UNC5D: variants seen among roughly 807,000 people sequenced by gnomAD.
The protein encoded by UNC5D is netrin receptor UNC5D.
UNC5D carries 39 observed loss-of-function variants against 105.4 expected under a neutral mutation model. The observed-to-expected ratio is 0.37, with a 90% CI of 0.29 to 0.48. UNC5D has a LOEUF of 0.48. UNC5D is among the 20% of genes least tolerant of loss of function. UNC5D has a pLI of 0.98. For missense variants in UNC5D, 991 were observed against 1,202.4 expected, an observed-to-expected ratio of 0.82 and a Z score of 2.60; for synonymous variants, 452 against 450.4, an observed-to-expected ratio of 1.00 and a Z score of -0.04.
chr8:35,699,377 A>G lies in UNC5D; in HGVS notation c.1085-6552A>G, dbSNP rs1270154892. ...TCATCAGAAGTGACATCCTTGAGCCATCTGTTTTGGTACCCTTCTGACTTC... is the reference window on the plus strand; with the variant it reads ...TCATCAGAAGTGACATCCTTGAGCCGTCTGTTTTGGTACCCTTCTGACTTC... On this transcript the variant is annotated intron_variant, in intron 7 of 16. Coordinates refer to ENST00000404895, the MANE Select transcript of UNC5D (RefSeq NM_080872.4). 5.9e-5 allele frequency among the ~76,000 whole-genome samples: 9 copies of G among 152,200 alleles called. No individual in the cohort carries two copies. The South Asian group carries it at 1.4e-3, about 24-fold the overall frequency.
intron 4 of UNC5D, among the ~76,000 whole-genome samples, chr8:35,609,980 C>A (rs918280569): frequency 6.6e-6 from 1 of 152,166 alleles, no homozygotes; most frequent in Non-Finnish European, 1.5e-5. Context: ...CAAGACAGAA[C>A]TTTCTTGGCA....
At chr8:35,638,260 A>G (rs1294129057) in intron 4 of UNC5D, among the ~76,000 whole-genome samples, 1 of 152,116 alleles carries the variant, frequency 6.6e-6, no homozygotes, top group Non-Finnish European at 1.5e-5. Flanking sequence ...TTCAGAAGGA[A>G]GGTAATCGGA....
intron 1 of UNC5D, among the ~76,000 whole-genome samples, chr8:35,271,090 A>G (rs1424032029): frequency 6.6e-6 from 1 of 151,536 alleles, no homozygotes; most frequent in East Asian, 2.0e-4. Flanking sequence ...ATTCTGTCCT[A>G]TGGCTACATT....
At chr8:35,347,596 G>T (rs546619463) in intron 1 of UNC5D, among the ~76,000 whole-genome samples, 1 of 151,950 alleles carries the variant, frequency 6.6e-6, no homozygotes, top group East Asian at 1.9e-4. Flanking sequence ...ATTCCTTTAG[G>T]ATTTGGTTGG....
chr8:35,328,211 AAAGATTTAC>A (rs1810321776), intron 1 of UNC5D, among the ~76,000 whole-genome samples: 1 of 120,824 alleles, frequency 8.3e-6, no homozygotes, highest in African/African-American at 3.0e-5. Context: ...TGCTTTTAAC[AAAGATTTAC>A]TTTATTTTAT....
intron 7 of UNC5D, among the ~76,000 whole-genome samples, chr8:35,692,034 C>T (rs1324137654): frequency 6.6e-6 from 1 of 152,130 alleles, no homozygotes. Flanking sequence ...GGCTTAGCTA[C>T]CTGATAGCTA....
chr8:35,749,324 A>G (rs1035813472), intron 12 of UNC5D, among the ~76,000 whole-genome samples: 2 of 152,198 alleles, frequency 1.3e-5, no homozygotes, highest in Non-Finnish European at 2.9e-5. Flanking sequence ...ACAGATTGCA[A>G]TTGAATTACT....
In UNC5D at chr8:35,683,527, A is replaced by G. The variant is rs1327641597; in HGVS notation, c.571-20A>G. On this transcript the variant is annotated intron_variant, in intron 4 of 16. Coordinates refer to ENST00000404895, the MANE Select transcript of UNC5D (RefSeq NM_080872.4). ...TTCTGATTTTTTTAGTGACTTGTAA[A>G]CATTCCTTTCTTCCTGTAGGTGGAA... 3.9e-6 allele frequency: 6 copies of G among 1,553,856 alleles called. No homozygotes were observed. Among genetic ancestry groups the G allele is most frequent in the Non-Finnish European group, 5.2e-6 (6 of 1,160,446 alleles).
intron 1 of UNC5D, among the ~76,000 whole-genome samples, chr8:35,371,447 A>T (rs1388685022): frequency 6.6e-6 from 1 of 152,156 alleles, no homozygotes; most frequent in East Asian, 1.9e-4. Context: ...TGAGATTATC[A>T]TTTTAAAAAA....
At chr8:35,612,344 T>C (rs1473063807) in intron 4 of UNC5D, among the ~76,000 whole-genome samples, 2 of 152,118 alleles carry the variant, frequency 1.3e-5, no homozygotes, top group East Asian at 3.9e-4. Context: ...AATGAAAGAA[T>C]GTATTTTTTG....
At chr8:35,300,221 G>A (rs1197437525) in intron 1 of UNC5D, among the ~76,000 whole-genome samples, 1 of 151,834 alleles carries the variant, frequency 6.6e-6, no homozygotes, top group Non-Finnish European at 1.5e-5. Context: ...GCCAAGGTGG[G>A]CACATCACCT....
rs180688612 is a variant in UNC5D at position 35,413,741 on chromosome 8, T to C, written c.104-135551T>C. Among the ~76,000 whole-genome samples, 402 of 152,254 alleles carry C rather than the reference T, an allele frequency of 2.6e-3. 2 individuals carry two copies. Among genetic ancestry groups the C allele is most frequent in the African/African-American group, 9.0e-3 (373 of 41,568 alleles). ...ATGATTATGATCTTCATAAATGCCATGTACAAGTACTGAGACTGGCTTAAG... is the reference window on the plus strand; with the variant it reads ...ATGATTATGATCTTCATAAATGCCACGTACAAGTACTGAGACTGGCTTAAG... On this transcript the variant is annotated intron_variant, in intron 1 of 16. Coordinates refer to ENST00000404895, the MANE Select transcript of UNC5D (RefSeq NM_080872.4).
At chr8:35,661,992 C>T (rs1563642662) in intron 4 of UNC5D, among the ~76,000 whole-genome samples, 2 of 152,056 alleles carry the variant, frequency 1.3e-5, no homozygotes, top group Admixed American at 6.6e-5. Context: ...AAGGACCTAG[C>T]ATCATTTTGC....
intron 1 of UNC5D, among the ~76,000 whole-genome samples, chr8:35,402,277 G>T (rs946964800): frequency 6.6e-6 from 1 of 152,140 alleles, no homozygotes; most frequent in African/African-American, 2.4e-5. Flanking sequence ...TGAACTCACA[G>T]TTCAACGTGG....
chr8:35,417,893 T>C (rs1455929997), intron 1 of UNC5D, among the ~76,000 whole-genome samples: 1 of 152,184 alleles, frequency 6.6e-6, no homozygotes, highest in Non-Finnish European at 1.5e-5. Flanking sequence ...AAGCACAGTA[T>C]TTGTGTCACA....
At chr8:35,384,375 G>A (rs1349284803) in intron 1 of UNC5D, among the ~76,000 whole-genome samples, 1 of 152,152 alleles carries the variant, frequency 6.6e-6, no homozygotes, top group Non-Finnish European at 1.5e-5. Flanking sequence ...CTATAAATAT[G>A]GGTGCACTCA....
intron 4 of UNC5D, among the ~76,000 whole-genome samples, chr8:35,636,837 C>G (rs1386980043): frequency 2.0e-5 from 3 of 152,164 alleles, no homozygotes; most frequent in Non-Finnish European, 4.4e-5. Context: ...CAGTAACATT[C>G]AAAATAATCC....
intron 1 of UNC5D, among the ~76,000 whole-genome samples, chr8:35,460,507 C>T (rs1323556794): frequency 5.9e-5 from 9 of 152,298 alleles, no homozygotes; most frequent in East Asian, 1.9e-4. Context: ...TCAAATTATT[C>T]GAAATCCCCT....
At chr8:35,623,285 G>A (rs1821474247) in intron 4 of UNC5D, among the ~76,000 whole-genome samples, 1 of 152,084 alleles carries the variant, frequency 6.6e-6, no homozygotes, top group Non-Finnish European at 1.5e-5. Context: ...TTTTATGTTT[G>A]TTTGTTCCCC....
Sources: gnomAD v4.1 joint callset for allele counts (sites outside exome capture counted in the v4.1 genomes callset) on GRCh38, gnomAD v4.1.1 for gene constraint, MANE v1.5 for transcripts, NCBI Gene and HGNC (gene_info 2026-07-23, HGNC 2026-07-21) for gene names.